TCF7L1: variants seen among roughly 807,000 people sequenced by gnomAD.
The protein encoded by TCF7L1 is transcription factor 7 like 1.
In TCF7L1, 18 loss-of-function variants were observed where a neutral mutation model predicts 63.7. The observed-to-expected ratio is 0.28, with a 90% CI of 0.20 to 0.42. The LOEUF (loss-of-function observed/expected upper bound fraction) is 0.42, where lower values mean the gene tolerates loss of function less well. Ranked by LOEUF, TCF7L1 falls within the 10% of genes least tolerant of loss-of-function variation. The pLI is 1.00. For synonymous variants in TCF7L1, 355 were observed against 340.9 expected, an observed-to-expected ratio of 1.04 and a Z score of -0.46; for missense variants, 654 against 779.3, an observed-to-expected ratio of 0.84 and a Z score of 1.91.
chr2:85,306,413 T>C lies in TCF7L1; in HGVS notation c.1150-39T>C, dbSNP rs1178160692. Reference sequence around the variant, plus strand: ...AGGCCAGGGAGGCAGCGTCCCTGCATTGATGGCTCCGTGTGGTCTCTGACC... The same window carrying C: ...AGGCCAGGGAGGCAGCGTCCCTGCACTGATGGCTCCGTGTGGTCTCTGACC... On this transcript the variant is annotated intron_variant, in intron 9 of 11. Transcript: ENST00000282111. This position sits in a 1 kb window ranked among gnomAD's most constrained non-coding sequence, Gnocchi z 4.3. The C allele has an allele frequency of 3.1e-5, 50 of 1,613,520 alleles. No individual in the cohort carries two copies. Among genetic ancestry groups the C allele is most frequent in the East Asian group, 4.5e-5 (2 of 44,846 alleles).
chr2:85,227,969 G>A (rs1014488183), intron 3 of TCF7L1, among the ~76,000 whole-genome samples: 9 of 135,786 alleles, frequency 6.6e-5, no homozygotes, highest in African/African-American at 2.5e-4. Flanking sequence ...TCCAGCCTGA[G>A]TGACAGAGCA....
chr2:85,243,676 A>G (rs1680392798), intron 3 of TCF7L1, among the ~76,000 whole-genome samples: 1 of 152,216 alleles, frequency 6.6e-6, no homozygotes, highest in Non-Finnish European at 1.5e-5. Flanking sequence ...AGCCCCAGGC[A>G]TGGGTCTTGG....
chr2:85,262,251 A>T (rs1448233611), intron 3 of TCF7L1: 1 of 531,452 alleles, frequency 1.9e-6, no homozygotes, highest in Non-Finnish European at 3.8e-6. Flanking sequence ...TAAGTATCTG[A>T]AGATGAGGTT....
intron 3 of TCF7L1, among the ~76,000 whole-genome samples, chr2:85,266,563 G>A (rs1171064047): frequency 2.0e-5 from 3 of 152,200 alleles, no homozygotes; most frequent in Non-Finnish European, 4.4e-5. Flanking sequence ...GGCTCCTGGG[G>A]TTTTCAGTGC....
At chr2:85,221,899 A>G (rs529057154) in intron 3 of TCF7L1, among the ~76,000 whole-genome samples, 46 of 151,860 alleles carry the variant, frequency 3.0e-4, no homozygotes, top group African/African-American at 1.0e-3. Flanking sequence ...TTAGATTGAC[A>G]CCATGAGGAT....
intron 4 of TCF7L1, among the ~76,000 whole-genome samples, chr2:85,295,334 TG>T (rs1681816957): frequency 6.6e-6 from 1 of 152,128 alleles, no homozygotes; most frequent in South Asian, 2.1e-4. Context: ...CCCTAGTAGC[TG>T]GGATTACAGG....
intron 3 of TCF7L1, among the ~76,000 whole-genome samples, chr2:85,182,651 T>A (rs1678831130): frequency 6.6e-6 from 1 of 152,190 alleles, no homozygotes; most frequent in Admixed American, 6.5e-5. Context: ...TGGTGATGAT[T>A]ACTGCTTCAG....
intron 3 of TCF7L1, among the ~76,000 whole-genome samples, chr2:85,201,950 T>G (rs764865940): frequency 0.049 from 7,501 of 151,688 alleles, 209 homozygotes; most frequent in Middle Eastern, 0.054. Context: ...TATTTATTTA[T>G]TTATTTATTT....
chr2:85,218,107 G>A (rs1191605156), intron 3 of TCF7L1, among the ~76,000 whole-genome samples: 2 of 151,964 alleles, frequency 1.3e-5, no homozygotes, highest in African/African-American at 4.8e-5. Flanking sequence ...TCCTATATAT[G>A]TCTTATATCC....
At chr2:85,281,225 A>G (rs924382279) in intron 3 of TCF7L1, among the ~76,000 whole-genome samples, 2 of 151,996 alleles carry the variant, frequency 1.3e-5, no homozygotes, top group African/African-American at 4.8e-5. Context: ...GGGTTTCACC[A>G]TGTTGGCCAG....
Position 85,303,944 on chromosome 2 carries a change from C to G in TCF7L1, c.708C>G (p.Leu236=), listed in dbSNP as rs764692238. The part of the protein sequence containing the change: ...HPSELSPYYP[L]SPGAVGQIPH... ...CCGAGCTGTCACCGTATTACCCACT[C>G]TCTCCCGGAGCTGTCGGACAAATCC... Residue 236 remains leucine, a synonymous_variant, in exon 6 of 12, where the codon CTC becomes CTG. Coordinates refer to ENST00000282111, the MANE Select transcript of TCF7L1 (RefSeq NM_031283.3). The G allele has an allele frequency of 1.1e-5, 18 of 1,613,840 alleles. No homozygotes were observed. Among genetic ancestry groups the G allele is most frequent in the African/African-American group, 8.0e-5 (6 of 74,898 alleles).
chr2:85,135,937 G>C (rs1290955430), intron 3 of TCF7L1, among the ~76,000 whole-genome samples: 2 of 150,650 alleles, frequency 1.3e-5, no homozygotes, highest in Admixed American at 6.6e-5. Flanking sequence ...TCAAAGGGGG[G>C]GGGGGATCAA....
intron 3 of TCF7L1, among the ~76,000 whole-genome samples, chr2:85,222,177 A>G (rs993737060): frequency 6.6e-6 from 1 of 152,044 alleles, no homozygotes; most frequent in African/African-American, 2.4e-5. Context: ...CCTCGTCTCT[A>G]CTAAAAATAC....
intron 3 of TCF7L1, among the ~76,000 whole-genome samples, chr2:85,263,071 T>C (rs982429482): frequency 2.6e-5 from 4 of 152,190 alleles, no homozygotes; most frequent in Admixed American, 2.0e-4. Context: ...TTGCCTTCAC[T>C]TGGGCCAATG....
At chr2:85,278,727 TC>T (rs1681342124) in intron 3 of TCF7L1, among the ~76,000 whole-genome samples, 2 of 152,316 alleles carry the variant, frequency 1.3e-5, no homozygotes, top group South Asian at 4.1e-4. Flanking sequence ...AGAACCCCAG[TC>T]CCCAGAAAAG....
intron 3 of TCF7L1, among the ~76,000 whole-genome samples, chr2:85,142,430 AAATG>A (rs1677758298): frequency 2.3e-5 from 1 of 44,104 alleles, no homozygotes; most frequent in Non-Finnish European, 4.0e-5. Flanking sequence ...AAAAAAAAAA[AAATG>A]TGTGTGTGTG....
At chr2:85,295,900 C>T (rs1441661918) in intron 4 of TCF7L1, among the ~76,000 whole-genome samples, 1 of 151,450 alleles carries the variant, frequency 6.6e-6, no homozygotes, top group Admixed American at 6.6e-5. Flanking sequence ...GCCTCAGCCT[C>T]CTGAGTAGCT....
intron 3 of TCF7L1, among the ~76,000 whole-genome samples, chr2:85,169,389 T>G (rs551966776): frequency 2.1e-4 from 32 of 151,156 alleles, no homozygotes; most frequent in Middle Eastern, 3.5e-3. Flanking sequence ...GAGATGGAGT[T>G]TCGCTCTGTT....
At position 85,219,047 on chromosome 2, in the gene TCF7L1, G is replaced by T. The variant is rs934594200; in HGVS notation, c.442-64448G>T. On this transcript the variant is annotated intron_variant, in intron 3 of 11. Transcript: ENST00000282111. ...ACACACCTGTAATCCCAGCTACTCA[G>T]GAGGCTGAGGTGAGAGGATGGCTTG... Among the ~76,000 whole-genome samples, 6 of 152,298 alleles carry T rather than the reference G, an allele frequency of 3.9e-5. No individual in the cohort carries two copies. The South Asian group carries it at 1.2e-3, about 32-fold the overall frequency.
Sources: allele counts gnomAD v4.1 joint callset (sites outside exome capture counted in the v4.1 genomes callset), GRCh38; gene constraint gnomAD v4.1.1; non-coding constraint Gnocchi (gnomAD v3.1); transcripts MANE v1.5; gene names NCBI Gene and HGNC (gene_info 2026-07-23, HGNC 2026-07-21).